Variants in CRPPA observed in about 807,000 individuals in gnomAD.
The protein encoded by CRPPA is D-ribitol-5-phosphate cytidylyltransferase.
Under a neutral mutation model 52.0 loss-of-function variants are expected in CRPPA, and 43 were observed. The ratio of observed to expected loss-of-function variants is 0.83; its 90% CI spans 0.65 to 1.07. The LOEUF is 1.07. Among genes scored for constraint, CRPPA ranks in the 50% least tolerant of loss-of-function variants. CRPPA has a pLI of 0.00. For synonymous variants in CRPPA, 250 were observed against 203.5 expected, an observed-to-expected ratio of 1.23 and a Z score of -1.94; for missense variants, 629 against 551.7, an observed-to-expected ratio of 1.14 and a Z score of -1.40.
In CRPPA at chr7:16,342,798, T is replaced by TATAGATATATAGATATATAGATATA. The variant is rs1491461185; in HGVS notation, c.684+33293_684+33294insTATATCTATATATCTATATATCTAT. On this transcript the variant is annotated intron_variant, in intron 3 of 9. Coordinates refer to ENST00000407010, the MANE Select transcript of CRPPA (RefSeq NM_001101426.4). Reference sequence around the variant, plus strand: ...AAAAAAAAAAATATATATATATATATCTATATAGATATATAGATATACATA... The same window carrying TATAGATATATAGATATATAGATATA: ...AAAAAAAAAAATATATATATATATATATAGATATATAGATATATAGATATACTATATAGATATATAGATATACATA... 1.3e-4 allele frequency among the ~76,000 whole-genome samples: 13 copies of TATAGATATATAGATATATAGATATA among 101,220 alleles called. 1 individual carries two copies. Among genetic ancestry groups the TATAGATATATAGATATATAGATATA allele is most frequent in the African/African-American group, 1.6e-4 (4 of 24,582 alleles). 66.4% of individuals were successfully genotyped at this position (101,220 alleles called of 152,430 possible).
At chr7:16,208,700 G>A (rs1360810271) in intron 9 of CRPPA, among the ~76,000 whole-genome samples, 1 of 152,140 alleles carries the variant, frequency 6.6e-6, no homozygotes, top group Non-Finnish European at 1.5e-5. Context: ...GTAGAACAAG[G>A]TAGAGAATAA....
At chr7:16,420,937 T>G in intron 1 of CRPPA, 129 bp downstream of exon 1, 1 of 825,576 alleles carries the variant, frequency 1.2e-6, no homozygotes, top group Non-Finnish European at 1.7e-6. Context: ...GGAACAGAGC[T>G]CAAGCTTGAA....
At chr7:16,221,356 A>T (rs1487837590) in intron 8 of CRPPA, among the ~76,000 whole-genome samples, 2 of 152,220 alleles carry the variant, frequency 1.3e-5, no homozygotes, top group East Asian at 3.8e-4. Flanking sequence ...AAGAAAACCT[A>T]GGCATCACCA....
intron 1 of CRPPA, among the ~76,000 whole-genome samples, chr7:16,416,692 A>AT (rs1788203401): frequency 6.6e-6 from 1 of 151,392 alleles, no homozygotes; most frequent in African/African-American, 2.4e-5. Flanking sequence ...AAAAAAAAAA[A>AT]TTATCTGGGC....
intron 3 of CRPPA, among the ~76,000 whole-genome samples, chr7:16,324,325 G>A (rs892306976): frequency 3.9e-5 from 6 of 152,202 alleles, no homozygotes; most frequent in Non-Finnish European, 5.9e-5. Context: ...ATGGTCTGAC[G>A]ACACTAGAAA....
intron 4 of CRPPA, among the ~76,000 whole-genome samples, chr7:16,305,311 A>C (rs1452161150): frequency 6.6e-6 from 1 of 152,184 alleles, no homozygotes; most frequent in Non-Finnish European, 1.5e-5. Flanking sequence ...ATACCAAAAA[A>C]CAAACAAACA....
intron 3 of CRPPA, among the ~76,000 whole-genome samples, chr7:16,357,797 G>A (rs1364839395): frequency 2.6e-5 from 4 of 152,206 alleles, no homozygotes; most frequent in African/African-American, 7.2e-5. Context: ...AAGTCTGAGG[G>A]GGAGTACCCA....
At chr7:16,299,806 T>A (rs551078791) in intron 5 of CRPPA, among the ~76,000 whole-genome samples, 1 of 152,180 alleles carries the variant, frequency 6.6e-6, no homozygotes, top group Middle Eastern at 3.2e-3. Flanking sequence ...TCCAAAGTCA[T>A]AGCCCCTGCA....
intron 9 of CRPPA, among the ~76,000 whole-genome samples, chr7:16,092,465 T>A (rs1781856406): frequency 6.6e-6 from 1 of 152,164 alleles, no homozygotes; most frequent in South Asian, 2.1e-4. Flanking sequence ...TCCAGAATCA[T>A]CCTTAATGCC....
chr7:16,103,311 T>C (rs938225415), intron 9 of CRPPA, among the ~76,000 whole-genome samples: 1 of 151,928 alleles, frequency 6.6e-6, no homozygotes, highest in Non-Finnish European at 1.5e-5. Flanking sequence ...TTGGTGGGTG[T>C]GGGACTAGGG....
At chr7:16,132,561 G>T (rs1196609546) in intron 9 of CRPPA, among the ~76,000 whole-genome samples, 2 of 124,716 alleles carry the variant, frequency 1.6e-5, no homozygotes, top group Non-Finnish European at 3.6e-5. Flanking sequence ...AGTGGAAAAA[G>T]AGATTGAGTA....
At chr7:16,139,332 C>T (rs1782822781) in intron 9 of CRPPA, among the ~76,000 whole-genome samples, 1 of 152,130 alleles carries the variant, frequency 6.6e-6, no homozygotes, top group Non-Finnish European at 1.5e-5. Flanking sequence ...ATCCCTGAAC[C>T]TACCTGTTCA....
At chr7:16,332,662 G>A (rs1427081938) in intron 3 of CRPPA, among the ~76,000 whole-genome samples, 1 of 151,952 alleles carries the variant, frequency 6.6e-6, no homozygotes, top group Non-Finnish European at 1.5e-5. Context: ...TACTGAGAGA[G>A]AAAGAAGAAA....
rs535556739 is a variant in CRPPA at position 16,276,296 on chromosome 7, C to G, written c.933+1833G>C. ...TAATGTCAAATAAAAAGATTCGAAACTACACAGAAGCATCCACTATGTACC... is the reference window on the plus strand; with the variant it reads ...TAATGTCAAATAAAAAGATTCGAAAGTACACAGAAGCATCCACTATGTACC... On this transcript the variant is annotated intron_variant, in intron 6 of 9. Transcript: ENST00000407010. Among the ~76,000 whole-genome samples, 653 of 152,176 alleles carry G rather than the reference C, an allele frequency of 4.3e-3. 1 individual carries two copies. Among genetic ancestry groups the G allele is most frequent in the Non-Finnish European group, 7.5e-3 (507 of 67,986 alleles).
At chr7:16,333,673 T>A (rs1459523943) in intron 3 of CRPPA, among the ~76,000 whole-genome samples, 2 of 152,128 alleles carry the variant, frequency 1.3e-5, no homozygotes, top group Admixed American at 6.5e-5. Flanking sequence ...ATCAATAAAA[T>A]TATAGCAAAT....
intron 8 of CRPPA, among the ~76,000 whole-genome samples, chr7:16,241,223 CA>C (rs1190086165): frequency 6.6e-6 from 1 of 151,870 alleles, no homozygotes; most frequent in Non-Finnish European, 1.5e-5. Flanking sequence ...CTGACCTGTT[CA>C]AATACTAAAT....
chr7:16,373,999 G>C (rs1262886705), intron 3 of CRPPA, among the ~76,000 whole-genome samples: 1 of 152,116 alleles, frequency 6.6e-6, no homozygotes, highest in Non-Finnish European at 1.5e-5. Flanking sequence ...TGACACCTTG[G>C]TTACAATTGC....
intron 8 of CRPPA, among the ~76,000 whole-genome samples, chr7:16,228,050 T>C (rs1363246392): frequency 6.6e-6 from 1 of 151,890 alleles, no homozygotes; most frequent in Non-Finnish European, 1.5e-5. Flanking sequence ...CCGTTGGCTA[T>C]AAACATGGGA....
intron 2 of CRPPA, among the ~76,000 whole-genome samples, chr7:16,380,224 C>T (rs1320507490): frequency 3.3e-5 from 5 of 151,380 alleles, no homozygotes; most frequent in African/African-American, 7.3e-5. Context: ...TGTCAAAGGC[C>T]TTTTCTGCAT....
Sources: gnomAD v4.1 joint callset for allele counts (sites outside exome capture counted in the v4.1 genomes callset) on GRCh38, gnomAD v4.1.1 for gene constraint, MANE v1.5 for transcripts, NCBI Gene and HGNC (gene_info 2026-07-23, HGNC 2026-07-21) for gene names.